Variants in RERE observed in about 807,000 individuals in gnomAD.
RERE encodes the protein arginine-glutamic acid dipeptide repeats protein.
Under a neutral mutation model 146.1 loss-of-function variants are expected in RERE, and 40 were observed. The ratio of observed to expected loss-of-function variants is 0.27; its 90% confidence interval spans 0.21 to 0.36. The LOEUF (loss-of-function observed/expected upper bound fraction) is 0.36. Ranked by LOEUF, RERE falls within the 10% of genes least tolerant of loss-of-function variation. RERE has a pLI of 1.00. For synonymous variants in RERE, 1,003 were observed against 866.0 expected (o/e 1.16, Z -2.78); for missense variants, 1,933 against 2,138.7 (o/e 0.90, Z 1.90).
chr1:8,496,843 A>G (rs1373774563), intron 9 of RERE, among the ~76,000 whole-genome samples: 1 of 152,260 alleles, frequency 6.6e-6, no homozygotes, highest in Non-Finnish European at 1.5e-5. Context: ...GCCACAAAGT[A>G]GAGACAGAAC....
At chr1:8,776,993 T>G (rs971842204) in intron 1 of RERE, among the ~76,000 whole-genome samples, 11 of 152,068 alleles carry the variant, frequency 7.2e-5, no homozygotes, top group African/African-American at 2.7e-4. Flanking sequence ...CCTCCCAAAG[T>G]GCCAAAATGC....
intron 1 of RERE, among the ~76,000 whole-genome samples, chr1:8,727,237 G>A (rs931184260): frequency 6.6e-6 from 1 of 151,912 alleles, no homozygotes; most frequent in African/African-American, 2.4e-5. Flanking sequence ...CCGCCTCCAG[G>A]GTTCAAGCGA....
intron 2 of RERE, among the ~76,000 whole-genome samples, chr1:8,634,082 A>G (rs921294830): frequency 2.6e-5 from 4 of 152,218 alleles, no homozygotes; most frequent in African/African-American, 9.6e-5. Flanking sequence ...CTTTTCATTC[A>G]GCAAGCAAAG....
At chr1:8,608,624 A>G (rs950149034) in intron 4 of RERE, among the ~76,000 whole-genome samples, 1 of 152,266 alleles carries the variant, frequency 6.6e-6, no homozygotes, top group Non-Finnish European at 1.5e-5. Context: ...AAGAAGCTCA[A>G]TAAAACTTGC....
intron 1 of RERE, among the ~76,000 whole-genome samples, chr1:8,802,295 C>T (rs764970607): frequency 4.6e-5 from 7 of 152,192 alleles, no homozygotes; most frequent in Non-Finnish European, 1.0e-4. Context: ...TGAACAGCTA[C>T]CCGCTACAGC....
At chr1:8,547,326 CTGGG>C (rs1645875958) in intron 6 of RERE, among the ~76,000 whole-genome samples, 3 of 152,214 alleles carry the variant, frequency 2.0e-5, no homozygotes, top group South Asian at 4.1e-4. Flanking sequence ...CCTAGAACAA[CTGGG>C]TAGAATTATT....
Position 8,622,485 on chromosome 1 carries a change from T to TAA in RERE, c.396+1824_396+1825insTT, listed in dbSNP as rs1646926827. Among the ~76,000 whole-genome samples, 109 of 69,380 alleles carry TAA rather than the reference T, an allele frequency of 1.6e-3. 1 individual carries two copies. Among genetic ancestry groups the TAA allele is most frequent in the African/African-American group, 5.4e-3 (94 of 17,348 alleles). The allele number at this position is 69,380 out of a possible 152,430, so 45.5% of individuals were successfully genotyped here. On this transcript the variant is annotated intron_variant, in intron 3 of 22. Coordinates refer to ENST00000400908, the MANE Select transcript of RERE (RefSeq NM_001042681.2). The stretch of plus-strand genomic sequence containing the variant: ...TTTCAGGTGTCAGTGCTGTATCTGT[T>TAA]TAAAAAAAAAAAAAAAAAAAAAAAA...
At chr1:8,582,206 A>G (rs1445139382) in intron 4 of RERE, among the ~76,000 whole-genome samples, 1 of 152,092 alleles carries the variant, frequency 6.6e-6, no homozygotes, top group Non-Finnish European at 1.5e-5. Context: ...TTAAGTTATT[A>G]TTTTAAAGAG....
At chr1:8,498,706 A>AT (rs1645080353) in intron 8 of RERE, among the ~76,000 whole-genome samples, 1 of 132,360 alleles carries the variant, frequency 7.6e-6, no homozygotes, top group African/African-American at 3.2e-5. Flanking sequence ...AAAAAAAAAA[A>AT]AAATAAAAAA....
At chr1:8,384,472 T>G (rs1642572880) in intron 12 of RERE, among the ~76,000 whole-genome samples, 1 of 152,194 alleles carries the variant, frequency 6.6e-6, no homozygotes, top group Non-Finnish European at 1.5e-5. Flanking sequence ...TCCTGGGAAC[T>G]CAAGCAATCA....
chr1:8,546,314 A>AAT (rs1645861917), intron 6 of RERE, among the ~76,000 whole-genome samples: 1 of 150,002 alleles, frequency 6.7e-6, no homozygotes, highest in Non-Finnish European at 1.5e-5. Context: ...AATAAATAAA[A>AAT]ATATATATAT....
At chr1:8,385,993 A>AAT (rs1553159745) in intron 12 of RERE, among the ~76,000 whole-genome samples, 45 of 26,478 alleles carry the variant, frequency 1.7e-3, no homozygotes, top group Non-Finnish European at 2.3e-3. Flanking sequence ...AAAAAAAAAA[A>AAT]ATATATATAT....
intron 1 of RERE, among the ~76,000 whole-genome samples, chr1:8,661,376 C>T (rs941403244): frequency 6.6e-6 from 1 of 152,000 alleles, no homozygotes; most frequent in Non-Finnish European, 1.5e-5. Context: ...GCCTCATGGG[C>T]CAGGGAAAGG....
At chr1:8,451,853 C>T (rs1461124143) in intron 11 of RERE, among the ~76,000 whole-genome samples, 1 of 152,194 alleles carries the variant, frequency 6.6e-6, no homozygotes, top group African/African-American at 2.4e-5. Flanking sequence ...CCCACCTCCA[C>T]TCTTCCAATG....
At chr1:8,516,156 T>C (rs962374910) in intron 7 of RERE, among the ~76,000 whole-genome samples, 1 of 134,204 alleles carries the variant, frequency 7.5e-6, no homozygotes, top group Non-Finnish European at 1.5e-5. Context: ...ACCCAGGAGA[T>C]GGAGGCTGCA....
intron 1 of RERE, among the ~76,000 whole-genome samples, chr1:8,773,344 C>A (rs1640992297): frequency 6.6e-6 from 1 of 152,076 alleles, no homozygotes. Flanking sequence ...TATATTAAAT[C>A]ATAACCAGAT....
At chr1:8,595,329 T>C (rs952487559) in intron 4 of RERE, among the ~76,000 whole-genome samples, 1 of 152,008 alleles carries the variant, frequency 6.6e-6, no homozygotes, top group Non-Finnish European at 1.5e-5. Flanking sequence ...CTGTTAAATA[T>C]TAAACAGAAA....
At chr1:8,775,571 A>G (rs1641048495) in intron 1 of RERE, among the ~76,000 whole-genome samples, 1 of 152,212 alleles carries the variant, frequency 6.6e-6, no homozygotes, top group Non-Finnish European at 1.5e-5. Context: ...GCAACACAGT[A>G]AGATCTTGCC....
chr1:8,769,148 TTGAGTAAATGTTTTTTACCCAA>T (rs1157470071), intron 1 of RERE, among the ~76,000 whole-genome samples: 2 of 152,190 alleles, frequency 1.3e-5, no homozygotes, highest in Non-Finnish European at 2.9e-5. Context: ...AATCATTGAT[TTGAGTAAATGTTTTTTACCCAA>T]TGATTTGAGT....
Sources: gnomAD v4.1 joint callset for allele counts (sites outside exome capture counted in the v4.1 genomes callset) on GRCh38, gnomAD v4.1.1 for gene constraint, MANE v1.5 for transcripts, NCBI Gene and HGNC (gene_info 2026-07-23, HGNC 2026-07-21) for gene names.